The following RANBP2 variants were observed in gnomAD, a reference collection of about 807,000 sequenced individuals.
The protein encoded by RANBP2 is RAN binding protein 2, also known as E3 SUMO-protein ligase RanBP2.
Under a neutral mutation model 303.6 loss-of-function variants are expected in RANBP2, and 57 were observed. The ratio of observed to expected loss-of-function variants is 0.19; its 90% CI spans 0.15 to 0.23. The LOEUF (loss-of-function observed/expected upper bound fraction) is 0.23. RANBP2 is among the 10% of genes least tolerant of loss of function. The pLI, the probability that RANBP2 is intolerant of heterozygous loss-of-function variation, is 1.00. For synonymous variants in RANBP2, 1,167 were observed against 1,301.5 expected, an observed-to-expected ratio of 0.90 and a Z score of 2.23; for missense variants, 3,138 against 3,780.8, an observed-to-expected ratio of 0.83 and a Z score of 4.46.
the RANBP2 span, chr2:108,882,158 A>G: frequency 6.6e-6 from 1 of 152,500 alleles, no homozygotes; most frequent in African/African-American, 2.4e-5. Context: ...TGTCTCAAAA[A>G]AAAAAAAAAG....
chr2:109,449,601 A>T, the RANBP2 span: 1 of 1,339,646 alleles, frequency 7.5e-7, no homozygotes, highest in Non-Finnish European at 1.0e-6. Context: ...TGTGGGCTCC[A>T]AGTGCCTGCC....
chr2:109,226,338 G>T, the RANBP2 span, among the ~76,000 whole-genome samples: 1 of 152,128 alleles, frequency 6.6e-6, no homozygotes, highest in Non-Finnish European at 1.5e-5. Context: ...CTGTTTCAAA[G>T]CTAAAGTCAC....
the RANBP2 span, among the ~76,000 whole-genome samples, chr2:108,801,098 G>A: frequency 2.5e-5 from 1 of 39,984 alleles, no homozygotes; most frequent in African/African-American, 7.9e-5. Context: ...ACGTGTGCAT[G>A]TGTCTTTATA....
chr2:108,742,987 C>A (rs564054940), intron 7 of RANBP2, among the ~76,000 whole-genome samples: 1 of 152,244 alleles, frequency 6.6e-6, no homozygotes, highest in South Asian at 2.1e-4. Flanking sequence ...GATGGGGTTT[C>A]ACCATGTTAG....
At chr2:109,606,734 C>T in the RANBP2 span, among the ~76,000 whole-genome samples, 2 of 118,016 alleles carry the variant, frequency 1.7e-5, no homozygotes, top group Admixed American at 1.2e-4. Flanking sequence ...GGCTGGAGTG[C>T]AGTGGTGCAA....
At chr2:109,129,865 CCCG>C in the RANBP2 span, 1 of 1,525,596 alleles carries the variant, frequency 6.6e-7, no homozygotes, top group South Asian at 1.2e-5. Context: ...GGACGAACTG[CCCG>C]CCAACATCTT....
the RANBP2 span, among the ~76,000 whole-genome samples, chr2:109,143,211 G>A: frequency 3.0e-4 from 46 of 152,140 alleles, no homozygotes; most frequent in Non-Finnish European, 4.7e-4. Flanking sequence ...TGTGGCAGTT[G>A]CATGGAATTT....
the RANBP2 span, among the ~76,000 whole-genome samples, chr2:109,064,701 T>C: frequency 6.6e-6 from 1 of 152,158 alleles, no homozygotes. Context: ...AATATTCTTT[T>C]CTGAGTAAAA....
chr2:109,694,035 GT>G, the RANBP2 span, among the ~76,000 whole-genome samples: 1 of 152,186 alleles, frequency 6.6e-6, no homozygotes, highest in Non-Finnish European at 1.5e-5. Flanking sequence ...GCATGTGTGT[GT>G]CTACAAACAT....
chr2:109,292,885 A>G, the RANBP2 span, among the ~76,000 whole-genome samples: 2 of 152,172 alleles, frequency 1.3e-5, no homozygotes, highest in African/African-American at 4.8e-5. Context: ...GGTGTGCACC[A>G]GCATGCCTGG....
the RANBP2 span, among the ~76,000 whole-genome samples, chr2:109,065,885 C>T: frequency 0.13 from 19,800 of 152,062 alleles, 1,394 homozygotes; most frequent in Non-Finnish European, 0.16. Flanking sequence ...AGGCCCTTTC[C>T]ATCCTAAGAT....
chr2:109,558,962 T>C, the RANBP2 span, among the ~76,000 whole-genome samples: 1 of 152,000 alleles, frequency 6.6e-6, no homozygotes, highest in East Asian at 1.9e-4. Flanking sequence ...CTCAGCTCAC[T>C]GCAGCCTCCA....
the RANBP2 span, among the ~76,000 whole-genome samples, chr2:109,130,333 G>A: frequency 6.6e-6 from 1 of 152,220 alleles, no homozygotes; most frequent in Non-Finnish European, 1.5e-5. Context: ...CCTGTGGAGT[G>A]GGCACGCCTT....
At chr2:108,883,667 C>T in the RANBP2 span, 2 of 152,248 alleles carry the variant, frequency 1.3e-5, no homozygotes, top group Non-Finnish European at 2.9e-5. Flanking sequence ...GGGATGCTCA[C>T]TCGAGTGGGC....
chr2:109,053,137 T>A, the RANBP2 span, among the ~76,000 whole-genome samples: 1 of 152,194 alleles, frequency 6.6e-6, no homozygotes, highest in Non-Finnish European at 1.5e-5. Context: ...ATCCTCCAGG[T>A]ACTGGATCTC....
At chr2:109,706,478 C>A in the RANBP2 span, among the ~76,000 whole-genome samples, 1 of 152,180 alleles carries the variant, frequency 6.6e-6, no homozygotes, top group Non-Finnish European at 1.5e-5. Flanking sequence ...TCCTTTAAGG[C>A]TTTGTTCAAG....
At chr2:109,632,818 C>CA in the RANBP2 span, among the ~76,000 whole-genome samples, 31,852 of 142,774 alleles carry the variant, frequency 0.22, 3,771 homozygotes, top group Admixed American at 0.34. Flanking sequence ...GACTCTGTCT[C>CA]AAAAAAAAAA....
chr2:108,803,241 G>A, the RANBP2 span, among the ~76,000 whole-genome samples: 4 of 152,126 alleles, frequency 2.6e-5, no homozygotes, highest in South Asian at 2.1e-4. Flanking sequence ...CCGCCTGAGC[G>A]GCTCAAAGTT....
At chr2:108,850,400 A>G in the RANBP2 span, among the ~76,000 whole-genome samples, 1 of 152,110 alleles carries the variant, frequency 6.6e-6, no homozygotes, top group East Asian at 1.9e-4. Flanking sequence ...TATTGAATAG[A>G]CTGTTCATAT....
Sources: allele counts gnomAD v4.1 joint callset (sites outside exome capture counted in the v4.1 genomes callset), GRCh38; gene constraint gnomAD v4.1.1; transcripts MANE v1.5; gene names NCBI Gene and HGNC (gene_info 2026-07-23, HGNC 2026-07-21).